SHC3: variants seen among roughly 807,000 people sequenced by gnomAD.
The protein encoded by SHC3 is SHC-transforming protein 3.
SHC3 carries 15 observed loss-of-function variants against 60.4 expected under a neutral mutation model. The ratio of observed to expected loss-of-function variants is 0.25; its 90% CI spans 0.17 to 0.38. SHC3 has a LOEUF of 0.38. SHC3 is among the 10% of genes least tolerant of loss of function. The probability of loss-of-function intolerance (pLI) is 1.00; values close to 1 mark genes in which losing one functional copy is unlikely to be tolerated. For synonymous variants in SHC3, 294 were observed against 325.9 expected, an observed-to-expected ratio of 0.90 and a Z score of 1.05; for missense variants, 677 against 786.1, an observed-to-expected ratio of 0.86 and a Z score of 1.66.
At chr9:89,146,884 C>T (rs535112015) in intron 1 of SHC3, among the ~76,000 whole-genome samples, 24 of 152,224 alleles carry the variant, frequency 1.6e-4, no homozygotes, top group African/African-American at 4.8e-4. Context: ...AACCATTTTC[C>T]GAATGTTTGG....
At chr9:89,106,565 A>C (rs994794377) in intron 2 of SHC3, among the ~76,000 whole-genome samples, 1 of 152,096 alleles carries the variant, frequency 6.6e-6, no homozygotes, top group Admixed American at 6.5e-5. Context: ...CGGTGAGCAG[A>C]CATCCTAGCT....
chr9:89,096,290 A>T (rs1357317470), intron 2 of SHC3, among the ~76,000 whole-genome samples: 1 of 152,226 alleles, frequency 6.6e-6, no homozygotes, highest in Non-Finnish European at 1.5e-5. Context: ...CTGGGGTTCC[A>T]GGAGCCCAGA....
At chr9:89,095,462 A>C (rs1178330877) in intron 2 of SHC3, among the ~76,000 whole-genome samples, 1 of 152,110 alleles carries the variant, frequency 6.6e-6, no homozygotes, top group East Asian at 1.9e-4. Flanking sequence ...GGGAGGGGGA[A>C]GTGGGGAGTT....
In SHC3 at chr9:89,084,184, T is replaced by C. The variant is rs535300148; in HGVS notation, c.546-6281A>G. Among the ~76,000 whole-genome samples the C allele has an allele frequency of 1.1e-4, 17 of 152,250 alleles. 1 individual carries two copies. Among genetic ancestry groups the C allele is most frequent in the East Asian group, 3.9e-4 (2 of 5,188 alleles). On this transcript the variant is annotated intron_variant, in intron 2 of 11. Transcript: ENST00000375835. ...CAGAATCTGCACACCCCTGGAGAAATTGACTTCCCTTACACCTTAGCAGTT... is the reference window on the plus strand; with the variant it reads ...CAGAATCTGCACACCCCTGGAGAAACTGACTTCCCTTACACCTTAGCAGTT...
Position 89,178,354 on chromosome 9 carries a change from G to A in SHC3, c.107C>T (p.Ala36Val). The change falls in exon 1 of 12, where the codon GCG (alanine) becomes GTG (valine). Residue 36 changes from alanine to valine, a missense_variant. Physicochemically the swap from Ala to Val is moderately conservative, Grantham distance 64. Coordinates refer to ENST00000375835, the MANE Select transcript of SHC3 (RefSeq NM_016848.6). The surrounding 1 kb of genome is among the most constrained non-coding windows in gnomAD (Gnocchi z 6.9). ...SVSGGGGKVS[A>V]ARATPAAAPY... is the part of the protein sequence containing the mutation. Reference sequence around the variant, plus strand: ...AGCCGCCGCCGGGGTCGCGCGCGCCGCCGAAACCTTGCCTCCGCCGCCGCT... The same window carrying A: ...AGCCGCCGCCGGGGTCGCGCGCGCCACCGAAACCTTGCCTCCGCCGCCGCT... The A allele has an allele frequency of 6.3e-7, 1 of 1,593,576 alleles. No individual in the cohort carries two copies. Among genetic ancestry groups the A allele is most frequent in the African/African-American group, 1.4e-5 (1 of 72,490 alleles).
intron 1 of SHC3, among the ~76,000 whole-genome samples, chr9:89,114,685 TGACTAGAGTC>T (rs1340463641): frequency 6.6e-6 from 1 of 152,106 alleles, no homozygotes; most frequent in African/African-American, 2.4e-5. Context: ...ATAAATAACA[TGACTAGAGTC>T]ACAGAATTAT....
At chr9:89,154,129 C>T (rs1826587445) in intron 1 of SHC3, among the ~76,000 whole-genome samples, 1 of 152,158 alleles carries the variant, frequency 6.6e-6, no homozygotes, top group African/African-American at 2.4e-5. Flanking sequence ...TAGTGGTTAC[C>T]CCTGGGAGGT....
intron 1 of SHC3, among the ~76,000 whole-genome samples, chr9:89,149,454 T>C (rs892047123): frequency 3.3e-5 from 5 of 152,212 alleles, no homozygotes; most frequent in Non-Finnish European, 4.4e-5. Context: ...CAAAAATGCA[T>C]GAAGAAGAGG....
At chr9:89,156,247 CCCT>C (rs2118229830) in intron 1 of SHC3, among the ~76,000 whole-genome samples, 1 of 152,242 alleles carries the variant, frequency 6.6e-6, no homozygotes, top group Non-Finnish European at 1.5e-5. Context: ...AGGAACTGAG[CCCT>C]CCTGCATATA....
chr9:89,048,306 G>A (rs1824806890), intron 7 of SHC3, among the ~76,000 whole-genome samples: 1 of 149,042 alleles, frequency 6.7e-6, no homozygotes, highest in Non-Finnish European at 1.5e-5. Flanking sequence ...TGAACAAAAG[G>A]TCATATACCT....
At position 89,099,618 on chromosome 9, in the gene SHC3, G is replaced by C. The variant is rs552272025; in HGVS notation, c.545+12938C>G. On this transcript the variant is annotated intron_variant, in intron 2 of 11. Transcript: ENST00000375835. ...AGGACTGTCATTCCCTGAAATGCTG[G>C]TGTACTGATCATTGACCTAATTCTG... is the stretch of plus-strand genomic sequence containing the variant. Among the ~76,000 whole-genome samples, 8 of 152,284 alleles carry C rather than the reference G, an allele frequency of 5.3e-5. 1 individual carries two copies. The highest frequency in any genetic ancestry group is 6.8e-3 in the Middle Eastern group (2 of 294).
intron 6 of SHC3, among the ~76,000 whole-genome samples, chr9:89,059,733 G>T (rs1367725153): frequency 7.0e-5 from 5 of 71,044 alleles, no homozygotes; most frequent in Admixed American, 1.5e-4. Context: ...GCAGGACGGT[G>T]GTGGAGGACG....
At chr9:89,078,564 G>C (rs1464082606) in intron 2 of SHC3, among the ~76,000 whole-genome samples, 2 of 152,166 alleles carry the variant, frequency 1.3e-5, no homozygotes, top group East Asian at 3.9e-4. Flanking sequence ...AGAGTGTCCT[G>C]GTGCTGAGTG....
chr9:89,092,486 G>A (rs999380016), intron 2 of SHC3, among the ~76,000 whole-genome samples: 15 of 151,574 alleles, frequency 9.9e-5, no homozygotes, highest in African/African-American at 2.4e-4. Context: ...GCGTGGTGGC[G>A]GGCACCTGTA....
At chr9:89,125,643 A>G (rs1826153128) in intron 1 of SHC3, among the ~76,000 whole-genome samples, 1 of 152,204 alleles carries the variant, frequency 6.6e-6, no homozygotes, top group Non-Finnish European at 1.5e-5. Flanking sequence ...CTGATAAAAC[A>G]GGTTGCAGTA....
chr9:89,010,112 A>C lies in SHC3; in HGVS notation c.*3335T>G, dbSNP rs1473407212. 6.6e-6 allele frequency: 1 copy of C among 152,300 alleles called. No homozygotes were observed. The highest frequency in any genetic ancestry group is 1.5e-5 in the Non-Finnish European group (1 of 68,074). The allele number at this position is 152,300 out of a possible 1,614,324, so 9.4% of individuals were successfully genotyped here. A position where few individuals can be genotyped will look rare whatever the true frequency, so the allele number is the denominator to read the frequency against. The stretch of plus-strand genomic sequence containing the variant: ...CTCCACCTCCAGGAGGCCCTAAAGA[A>C]GGCCATATATGGCCCAATCAGGCCT... On this transcript the variant is annotated 3_prime_UTR_variant, in exon 12 of 12. Transcript: ENST00000375835.
intron 1 of SHC3, among the ~76,000 whole-genome samples, chr9:89,157,874 C>T (rs750783577): frequency 1.3e-4 from 20 of 152,124 alleles, no homozygotes; most frequent in African/African-American, 3.6e-4. Flanking sequence ...CTCCCACCTT[C>T]GCCTACCAAA....
chr9:89,065,907 G>A (rs1268542238), intron 5 of SHC3, among the ~76,000 whole-genome samples: 3 of 152,162 alleles, frequency 2.0e-5, no homozygotes, highest in Admixed American at 2.0e-4. Context: ...TACACTTTGA[G>A]CAGCAAGGAG....
intron 6 of SHC3, among the ~76,000 whole-genome samples, chr9:89,057,986 T>G (rs1225845762): frequency 6.6e-6 from 1 of 152,200 alleles, no homozygotes; most frequent in Non-Finnish European, 1.5e-5. Context: ...GAGAGAGGAC[T>G]GATGCTGCCA....
Sources: gnomAD v4.1 joint callset for allele counts (sites outside exome capture counted in the v4.1 genomes callset) on GRCh38, gnomAD v4.1.1 for gene constraint, Gnocchi (gnomAD v3.1) non-coding constraint, MANE v1.5 for transcripts, NCBI Gene and HGNC (gene_info 2026-07-23, HGNC 2026-07-21) for gene names.